The following SPIRE1 variants were observed in gnomAD, a reference collection of about 807,000 sequenced individuals.
The protein encoded by SPIRE1 is protein spire homolog 1.
In SPIRE1, 40 loss-of-function variants were observed where a neutral mutation model predicts 94.1. The ratio of observed to expected loss-of-function variants is 0.43; its 90% CI spans 0.33 to 0.55. The LOEUF (loss-of-function observed/expected upper bound fraction) is 0.55, where lower values mean the gene tolerates loss of function less well. Ranked by LOEUF, SPIRE1 falls within the 20% of genes least tolerant of loss-of-function variation. The pLI is 0.06. For missense variants in SPIRE1, 838 were observed against 975.2 expected (o/e 0.86, Z 1.87); for synonymous variants, 376 against 371.7 (o/e 1.01, Z -0.13).
intron 4 of SPIRE1, chr18:12,516,273 CAT>C (rs2034192520): frequency 6.6e-6 from 1 of 152,226 alleles, no homozygotes; most frequent in Non-Finnish European, 1.5e-5. Context: ...AGCGTAAGAA[CAT>C]GACCTAGACC....
chr18:12,514,932 C>T (rs56029848), intron 4 of SPIRE1, among the ~76,000 whole-genome samples: 7,003 of 152,258 alleles, frequency 0.046, 173 homozygotes, highest in South Asian at 0.096. Context: ...CAACCAGCAT[C>T]AAATAAGCTG....
intron 3 of SPIRE1, among the ~76,000 whole-genome samples, chr18:12,542,496 C>G (rs1250228813): frequency 6.6e-6 from 1 of 151,902 alleles, no homozygotes; most frequent in African/African-American, 2.4e-5. Context: ...ATTTGTTTTC[C>G]CATCTGTTCT....
chr18:12,460,555 A>T (rs1169328627), intron 12 of SPIRE1, among the ~76,000 whole-genome samples: 1 of 152,166 alleles, frequency 6.6e-6, no homozygotes, highest in Non-Finnish European at 1.5e-5. Flanking sequence ...TCTCCTAAGT[A>T]TACAAAATTA....
At chr18:12,587,536 T>C (rs933124374) in intron 2 of SPIRE1, among the ~76,000 whole-genome samples, 2 of 151,092 alleles carry the variant, frequency 1.3e-5, no homozygotes, top group Non-Finnish European at 2.9e-5. Context: ...TCTCAATTTT[T>C]GAAACAAAAC....
chr18:12,527,423 A>G (rs2034553493), intron 4 of SPIRE1, among the ~76,000 whole-genome samples: 1 of 152,236 alleles, frequency 6.6e-6, no homozygotes, highest in South Asian at 2.1e-4. Context: ...ACATAAACAA[A>G]GGATGAGATA....
chr18:12,597,484 A>T (rs1361404096), intron 2 of SPIRE1, among the ~76,000 whole-genome samples: 1 of 152,176 alleles, frequency 6.6e-6, no homozygotes, highest in African/African-American at 2.4e-5. Context: ...TCATACCAGC[A>T]ACTATTGGGG....
In SPIRE1 at chr18:12,635,045, T is replaced by C; in HGVS notation, c.372+17A>G. On this transcript the variant is annotated intron_variant, in intron 2 of 16. Coordinates refer to ENST00000409402, the MANE Select transcript of SPIRE1 (RefSeq NM_001128626.2). ...GCAAAGCTGCTTTACTAAGAAATAT[T>C]TGAGTATTTCACTTACCTCTGTTTC... The C allele has an allele frequency of 1.4e-6, 2 of 1,417,842 alleles. No individual in the cohort carries two copies. Among genetic ancestry groups the C allele is most frequent in the East Asian group, 2.5e-5 (1 of 40,112 alleles). 87.8% of individuals were successfully genotyped at this position (1,417,842 alleles called of 1,614,324 possible). A position where few individuals can be genotyped will look rare whatever the true frequency, so the allele number is the denominator to read the frequency against.
At chr18:12,578,427 A>G (rs1356310578) in intron 2 of SPIRE1, among the ~76,000 whole-genome samples, 3 of 152,350 alleles carry the variant, frequency 2.0e-5, no homozygotes, top group Non-Finnish European at 1.5e-5. Flanking sequence ...AACACTGCTG[A>G]GCAAAAAAGG....
intron 2 of SPIRE1, among the ~76,000 whole-genome samples, chr18:12,549,521 G>A (rs1305935938): frequency 3.0e-5 from 4 of 133,062 alleles, no homozygotes; most frequent in Non-Finnish European, 4.6e-5. Context: ...GCGCGATCTC[G>A]GCTCACTGCA....
At chr18:12,472,911 G>A (rs1380303185) in intron 10 of SPIRE1, among the ~76,000 whole-genome samples, 1 of 152,142 alleles carries the variant, frequency 6.6e-6, no homozygotes, top group Non-Finnish European at 1.5e-5. Flanking sequence ...TCCTGCCTCA[G>A]TCTCCCAAGT....
At chr18:12,613,397 A>G (rs1184480290) in intron 2 of SPIRE1, among the ~76,000 whole-genome samples, 1 of 152,190 alleles carries the variant, frequency 6.6e-6, no homozygotes, top group African/African-American at 2.4e-5. Flanking sequence ...ATTTTTAAAG[A>G]CAATTCAAGA....
Position 12,447,786 on chromosome 18 carries a change from ATT to A in SPIRE1, c.*1850_*1851del, listed in dbSNP as rs1428549532. On this transcript the variant is annotated 3_prime_UTR_variant, in exon 17 of 17. Coordinates refer to ENST00000409402, the MANE Select transcript of SPIRE1 (RefSeq NM_001128626.2). The stretch of plus-strand genomic sequence containing the variant: ...TGTTTTAATAAAAACAGTAGTCATT[ATT>A]TTAAAAAGCACATTCTCCTAGGTGC... The A allele has an allele frequency of 6.6e-6, 1 of 152,200 alleles. No individual in the cohort carries two copies. The highest frequency in any genetic ancestry group is 1.5e-5 in the Non-Finnish European group (1 of 68,026). 9.4% of individuals were successfully genotyped at this position (152,200 alleles called of 1,614,324 possible). A position where few individuals can be genotyped will look rare whatever the true frequency, so the allele number is the denominator to read the frequency against.
intron 2 of SPIRE1, among the ~76,000 whole-genome samples, chr18:12,609,463 C>T (rs2037079142): frequency 6.6e-6 from 1 of 152,142 alleles, no homozygotes; most frequent in Non-Finnish European, 1.5e-5. Context: ...TTTACCAGCA[C>T]ACCAAATTCA....
chr18:12,452,708 C>T, intron 14 of SPIRE1, 196 bp from the exon 15 acceptor site: 1 of 636,712 alleles, frequency 1.6e-6, no homozygotes, highest in African/African-American at 1.8e-5. Context: ...ACACTGTCTC[C>T]TATAAAAGGA....
intron 12 of SPIRE1, among the ~76,000 whole-genome samples, chr18:12,461,574 C>CATATGTAT (rs1326022425): frequency 3.3e-5 from 2 of 60,890 alleles, no homozygotes; most frequent in Non-Finnish European, 9.3e-5. Context: ...TATGTATGTA[C>CATATGTAT]ATACATATGT....
chr18:12,510,724 A>G (rs926606541), intron 5 of SPIRE1, among the ~76,000 whole-genome samples: 2 of 151,770 alleles, frequency 1.3e-5, no homozygotes, highest in Admixed American at 6.6e-5. Context: ...TGTATTTTTT[A>G]GTGGGATAGC....
At chr18:12,556,912 A>AC (rs979867667) in intron 2 of SPIRE1, among the ~76,000 whole-genome samples, 1 of 151,304 alleles carries the variant, frequency 6.6e-6, no homozygotes, top group Non-Finnish European at 1.5e-5. Flanking sequence ...CCCTTATCCG[A>AC]CCCCACCCAT....
At chr18:12,547,498 C>A (rs1451279998) in intron 2 of SPIRE1, among the ~76,000 whole-genome samples, 1 of 152,212 alleles carries the variant, frequency 6.6e-6, no homozygotes, top group African/African-American at 2.4e-5. Context: ...CTGTTGCATA[C>A]CACCTCGACA....
intron 10 of SPIRE1, among the ~76,000 whole-genome samples, chr18:12,467,233 G>A (rs71351482): frequency 0.1 from 15,662 of 151,996 alleles, 1,154 homozygotes; most frequent in Middle Eastern, 0.21. Flanking sequence ...AGCCAGGATC[G>A]TGCCACTGCA....
Sources: gnomAD v4.1 joint callset for allele counts (sites outside exome capture counted in the v4.1 genomes callset) on GRCh38, gnomAD v4.1.1 for gene constraint, MANE v1.5 for transcripts, NCBI Gene and HGNC (gene_info 2026-07-23, HGNC 2026-07-21) for gene names.